The following IFT81 variants were observed in gnomAD, a reference collection of about 807,000 sequenced individuals.
IFT81 encodes the protein intraflagellar transport 81.
In IFT81, 72 loss-of-function variants were observed where a neutral mutation model predicts 102.6. The observed-to-expected ratio is 0.70, with a 90% CI of 0.58 to 0.85. IFT81 has a LOEUF of 0.85. Among genes scored for constraint, IFT81 ranks in the 40% least tolerant of loss-of-function variants. The probability of loss-of-function intolerance (pLI) is 0.00; values close to 1 mark genes in which losing one functional copy is unlikely to be tolerated. For synonymous variants in IFT81, 237 were observed against 242.7 expected (o/e 0.98, Z 0.22); for missense variants, 723 against 787.3 (o/e 0.92, Z 0.98).
chr12:110,205,289 A>G, intron 15 of IFT81, 154 bp from the exon 16 acceptor site: 1 of 747,490 alleles, frequency 1.3e-6, no homozygotes, highest in Admixed American at 3.6e-5. Flanking sequence ...CTCTAGAAAA[A>G]GATTATCTCT....
chr12:110,172,561 A>AT (rs1019216929), intron 11 of IFT81, among the ~76,000 whole-genome samples: 1 of 151,596 alleles, frequency 6.6e-6, no homozygotes, highest in African/African-American at 2.4e-5. Flanking sequence ...TGGTTTTCGT[A>AT]TTTTTTTGGT....
At chr12:110,156,865 A>G (rs945895124) in intron 10 of IFT81, among the ~76,000 whole-genome samples, 3 of 152,074 alleles carry the variant, frequency 2.0e-5, no homozygotes, top group Admixed American at 6.6e-5. Context: ...TTCTCTTAGC[A>G]TCTTGATATA....
chr12:110,160,088 C>G (rs569596549), intron 10 of IFT81, among the ~76,000 whole-genome samples: 1 of 152,104 alleles, frequency 6.6e-6, no homozygotes, highest in Non-Finnish European at 1.5e-5. Context: ...TTTCGAAACT[C>G]TTTTTTGTAA....
At chr12:110,168,880 T>C (rs922939009) in intron 11 of IFT81, 1 of 152,200 alleles carries the variant, frequency 6.6e-6, no homozygotes, top group African/African-American at 2.4e-5. Flanking sequence ...TTGGCTGGCA[T>C]CTGGGGGAAC....
In IFT81 at chr12:110,136,762, A is replaced by G. The variant is rs1894536123; in HGVS notation, c.697-14A>G. ...GTAGACTAAGCAAGTAATCTATTTA[A>G]TTGTATTTTAAAGCTATTTCATGCA... On this transcript the variant is annotated splice_polypyrimidine_tract_variant and intron_variant, in intron 7 of 18. Transcript: ENST00000242591. 3.2e-6 allele frequency: 5 copies of G among 1,561,038 alleles called. No homozygotes were observed. The South Asian group carries it at 4.6e-5, about 14-fold the overall frequency.
intron 4 of IFT81, among the ~76,000 whole-genome samples, chr12:110,130,728 A>T (rs887267088): frequency 2.0e-5 from 3 of 152,024 alleles, no homozygotes; most frequent in African/African-American, 7.2e-5. Context: ...TAATAAAGAC[A>T]TACTTGTTCT....
intron 2 of IFT81, 76 bp downstream of exon 2, chr12:110,127,600 A>G (rs1893926187): frequency 7.7e-7 from 1 of 1,297,454 alleles, no homozygotes; most frequent in East Asian, 2.6e-5. Context: ...AGTCTTGGGC[A>G]CATTATTTAA....
chr12:110,128,786 CAAAAAAAAAAAAA>C (rs59756924), intron 3 of IFT81, among the ~76,000 whole-genome samples, 151 bp from the exon 4 acceptor site: 1 of 68,762 alleles, frequency 1.5e-5, no homozygotes, highest in Non-Finnish European at 2.7e-5. Flanking sequence ...GACCCTGTCT[CAAAAAAAAAAAAA>C]AAAAAAAAAA....
intron 12 of IFT81, 56 bp from the exon 13 acceptor site, chr12:110,190,864 A>T: frequency 3.5e-6 from 5 of 1,439,328 alleles, no homozygotes; most frequent in Non-Finnish European, 3.7e-6. Flanking sequence ...TACATTTCTT[A>T]TGGGAGCCAG....
At chr12:110,172,425 CT>C (rs1314861182) in intron 11 of IFT81, among the ~76,000 whole-genome samples, 1 of 152,084 alleles carries the variant, frequency 6.6e-6, no homozygotes, top group Non-Finnish European at 1.5e-5. Flanking sequence ...CACGGTCTCC[CT>C]CTGATGCCGA....
At chr12:110,194,651 T>C (rs1170466953) in intron 14 of IFT81, among the ~76,000 whole-genome samples, 1 of 152,190 alleles carries the variant, frequency 6.6e-6, no homozygotes, top group Non-Finnish European at 1.5e-5. Context: ...TACTTTTTCA[T>C]ATAAAAGTAA....
rs1870458640 is a variant in IFT81, at chr12:110,218,756, A to G, written c.*530A>G. On this transcript the variant is annotated 3_prime_UTR_variant, in exon 19 of 19. Coordinates refer to ENST00000242591, the MANE Select transcript of IFT81 (RefSeq NM_014055.4). ...TTCTGTTTGTATCATTTAAAGGCAA[A>G]TAAACTTGGTACGTATTTCATATCT... 2 of 152,360 alleles carry G rather than the reference A, an allele frequency of 1.3e-5. No individual in the cohort carries two copies. Among genetic ancestry groups the G allele is most frequent in the South Asian group, 4.1e-4 (2 of 4,830 alleles). 9.4% of individuals were successfully genotyped at this position (152,360 alleles called of 1,614,324 possible).
intron 14 of IFT81, among the ~76,000 whole-genome samples, chr12:110,195,787 C>T (rs1402053120): frequency 1.3e-5 from 2 of 152,082 alleles, no homozygotes; most frequent in African/African-American, 2.4e-5. Context: ...AACAATATTC[C>T]CTGATGAGTT....
intron 10 of IFT81, among the ~76,000 whole-genome samples, chr12:110,156,210 G>T (rs1304138237): frequency 6.6e-6 from 1 of 152,158 alleles, no homozygotes; most frequent in Non-Finnish European, 1.5e-5. Flanking sequence ...AATAATAATT[G>T]TGTTGTTTTA....
chr12:110,203,875 GGA>G lies in IFT81; in HGVS notation c.1571_1572del (p.Glu524ValfsTer2). Reference protein sequence around the residue: ...LRQKYQELTQECDEKKSQYDS... With the variant: ...LRQKYQELTQXCDEKKSQYDS... ...CCTTTTTATACTAGGAACTGACCCAGGAGTGTGATGAAAAGAAATCCCAGTAT... is the reference window on the plus strand; with the variant it reads ...CCTTTTTATACTAGGAACTGACCCAGGTGTGATGAAAAGAAATCCCAGTAT... On this transcript the variant is annotated frameshift_variant, in exon 15 of 19. Transcript: ENST00000242591. LOFTEE classifies it high-confidence loss of function. The G allele has an allele frequency of 1.2e-6, 2 of 1,612,102 alleles. No individual in the cohort carries two copies. The highest frequency in any genetic ancestry group is 1.7e-6 in the Non-Finnish European group (2 of 1,178,200).
intron 18 of IFT81, among the ~76,000 whole-genome samples, chr12:110,215,453 CT>C (rs556887393): frequency 1.1e-3 from 70 of 61,928 alleles, no homozygotes; most frequent in African/African-American, 2.5e-3. Flanking sequence ...TCTTCTTCTT[CT>C]TTTTTTTTTT....
At chr12:110,205,553 C>G in intron 16 of IFT81, 39 bp downstream of exon 16, 1 of 1,584,828 alleles carries the variant, frequency 6.3e-7, no homozygotes, top group Non-Finnish European at 8.6e-7. Context: ...TGAGTTTTTT[C>G]TATATCAAAG....
At chr12:110,181,190 G>T (rs537903612) in intron 12 of IFT81, among the ~76,000 whole-genome samples, 13 of 152,236 alleles carry the variant, frequency 8.5e-5, no homozygotes, top group Middle Eastern at 3.4e-3. Context: ...ATTTCAACCA[G>T]TTGTGTTTCC....
intron 10 of IFT81, among the ~76,000 whole-genome samples, chr12:110,159,102 G>T (rs1896003279): frequency 6.6e-6 from 1 of 152,096 alleles, no homozygotes; most frequent in Admixed American, 6.6e-5. Context: ...TTTTCCCAGG[G>T]GTTTACTGTT....
Sources: allele counts gnomAD v4.1 joint callset (sites outside exome capture counted in the v4.1 genomes callset), GRCh38; gene constraint gnomAD v4.1.1; transcripts MANE v1.5; gene names NCBI Gene and HGNC (gene_info 2026-07-23, HGNC 2026-07-21).